H3-5: variants seen among roughly 807,000 people sequenced by gnomAD.
The protein encoded by H3-5 is histone H3.3C.
A neutral mutation model predicts 8.8 loss-of-function variants in H3-5; 9 were observed. That is an observed-to-expected ratio of 1.03 (90% CI 0.62 to 1.79). The LOEUF (loss-of-function observed/expected upper bound fraction) is 1.79, where lower values mean the gene tolerates loss of function less well. Ranked by LOEUF, H3-5 falls within the 40% of genes most tolerant of loss-of-function variation. H3-5 has a pLI of 0.00. For missense variants in H3-5, 173 were observed against 183.8 expected (o/e 0.94, Z 0.34); for synonymous variants, 82 against 76.1 (o/e 1.08, Z -0.40).
In H3-5 at chr12:31,791,862, C is replaced by T; in HGVS notation, c.305G>A (p.Gly102Asp). 5 of 1,614,176 alleles carry T rather than the reference C, an allele frequency of 3.1e-6. No homozygotes were observed. Among genetic ancestry groups the T allele is most frequent in the Non-Finnish European group, 4.2e-6 (5 of 1,180,038 alleles). ...ACACAGGTTAGTATCTTCCAACAGA[C>T]CCACCAGGTACGCTTCGCTAGCCTC... The part of the protein sequence containing the change: ...LQEASEAYLV[G>D]LLEDTNLCAI... The change falls in exon 1 of 1, where the codon GGT (glycine) becomes GAT (aspartate). Residue 102 changes from glycine to aspartate, a missense_variant. Gly to Asp is a moderately conservative substitution (Grantham distance 94). Transcript: ENST00000340398.
rs762910920 is a variant in H3-5 at position 31,792,022 on chromosome 12, G to A, written c.145C>T (p.Arg49Ter). The A allele has an allele frequency of 3.1e-6, 5 of 1,614,156 alleles. No homozygotes were observed. Among genetic ancestry groups the A allele is most frequent in the African/African-American group, 1.3e-5 (1 of 75,036 alleles). Residue 49 changes from arginine to a stop codon, truncating the protein, a stop_gained, in exon 1 of 1, where the codon CGA (arginine) becomes TGA (stop). Transcript: ENST00000340398. LOFTEE classifies it high-confidence loss of function. ...GACTTCTGATAACGACGAATCTCTCGAAGCGCCACGGTCCCAGGCCTGTAG... is the reference window on the plus strand; with the variant it reads ...GACTTCTGATAACGACGAATCTCTCAAAGCGCCACGGTCCCAGGCCTGTAG... ...HRYRPGTVAL[R>*]EIRRYQKSTE...
At position 31,791,744 on chromosome 12, in the gene H3-5, A is replaced by G; in HGVS notation, c.*15T>C. The G allele has an allele frequency of 6.2e-7, 1 of 1,609,640 alleles. No homozygotes were observed. ...TACAGAATTTACTACAAAATGCCATAAAAACTGCCTTCACTTAAGCTCTCT... is the reference window on the plus strand; with the variant it reads ...TACAGAATTTACTACAAAATGCCATGAAAACTGCCTTCACTTAAGCTCTCT... On this transcript the variant is annotated 3_prime_UTR_variant, in exon 1 of 1. Coordinates refer to ENST00000340398, the MANE Select transcript of H3-5 (RefSeq NM_001013699.3).
In H3-5 at chr12:31,791,426, C is replaced by A. The variant is rs1326143493; in HGVS notation, c.*333G>T. 3 of 341,248 alleles carry A rather than the reference C, an allele frequency of 8.8e-6. No individual in the cohort carries two copies. The highest frequency in any genetic ancestry group is 1.6e-5 in the Non-Finnish European group (3 of 184,174). 21.1% of individuals were successfully genotyped at this position (341,248 alleles called of 1,614,324 possible). ...TTAAACACTTGGATCAAGTCATAACCAGTTTTATTGCAAAAGGACCCTGTT... is the reference window on the plus strand; with the variant it reads ...TTAAACACTTGGATCAAGTCATAACAAGTTTTATTGCAAAAGGACCCTGTT... On this transcript the variant is annotated 3_prime_UTR_variant, in exon 1 of 1. Transcript: ENST00000340398.
In H3-5 at chr12:31,792,264, C is replaced by A; in HGVS notation, c.-98G>T. 1 of 1,459,316 alleles carries A rather than the reference C, an allele frequency of 6.9e-7. No homozygotes were observed. Among genetic ancestry groups the A allele is most frequent in the Non-Finnish European group, 9.3e-7 (1 of 1,076,868 alleles). 90.4% of individuals were successfully genotyped at this position (1,459,316 alleles called of 1,614,324 possible). A position where few individuals can be genotyped will look rare whatever the true frequency, so the allele number is the denominator to read the frequency against. On this transcript the variant is annotated 5_prime_UTR_variant, in exon 1 of 1. Transcript: ENST00000340398. ...GCCGCAGTCGCGAGCGAAGAACCGA[C>A]ACTGGTCCAACGAACGACCAAACCG... is the stretch of plus-strand genomic sequence containing the variant.
rs563005029 is a variant in H3-5, at chr12:31,791,887, C to T, written c.280G>A (p.Glu94Lys). ...CCCACCAGGTACGCTTCGCTAGCCT[C>T]CTGCAGCGCACCGACGGCTGCGCTC... ...FQSAAVGALQ[E>K]ASEAYLVGLL... The change falls in exon 1 of 1, where the codon GAG becomes AAG. Residue 94 changes from glutamate to lysine, a missense_variant. Glu to Lys is a moderately conservative substitution (Grantham distance 56). Coordinates refer to ENST00000340398, the MANE Select transcript of H3-5 (RefSeq NM_001013699.3). 1.1e-5 allele frequency: 17 copies of T among 1,614,210 alleles called. No homozygotes were observed. The South Asian group carries it at 1.5e-4, about 15-fold the overall frequency.
At position 31,792,241 on chromosome 12, in the gene H3-5, C is replaced by T; in HGVS notation, c.-75G>A. 3 of 1,544,028 alleles carry T rather than the reference C, an allele frequency of 1.9e-6. No homozygotes were observed. The highest frequency in any genetic ancestry group is 1.2e-5 in the South Asian group (1 of 80,524). ...CTGCTTCCGCTGCCCGAGGAAGAGC[C>T]GCAGTCGCGAGCGAAGAACCGACAC... On this transcript the variant is annotated 5_prime_UTR_variant, in exon 1 of 1. Coordinates refer to ENST00000340398, the MANE Select transcript of H3-5 (RefSeq NM_001013699.3).
chr12:31,792,089 G>T lies in H3-5; in HGVS notation c.78C>A (p.Ala26=). Residue 26 remains alanine (A), a synonymous_variant, in exon 1 of 1, where the codon GCC becomes GCA. Transcript: ENST00000340398. ...APRKQLATKA[A]RKSTPSTCGV... is the part of the protein sequence containing the mutation. The stretch of plus-strand genomic sequence containing the variant: ...CGCAGGTAGAGGGGGTGCTTTTCCT[G>T]GCAGCTTTCGTGGCCAGCTGTTTGC... 1 of 1,614,148 alleles carries T rather than the reference G, an allele frequency of 6.2e-7. No homozygotes were observed. Among genetic ancestry groups the T allele is most frequent in the Non-Finnish European group, 8.5e-7 (1 of 1,180,024 alleles).
In H3-5 at chr12:31,792,039, G is replaced by C. The variant is rs959255586; in HGVS notation, c.128C>G (p.Pro43Arg). ...TCGVKPHRYR[P>R]GTVALREIRR... ...AATCTCTCGAAGCGCCACGGTCCCA[G>C]GCCTGTAGCGATGAGGCTTCACCCC... Residue 43 changes from proline to arginine, a missense_variant, in exon 1 of 1, where the codon CCT (proline) becomes CGT (arginine). Physicochemically the swap from Pro to Arg is moderately radical, Grantham distance 103. Coordinates refer to ENST00000340398, the MANE Select transcript of H3-5 (RefSeq NM_001013699.3). 9 of 1,614,100 alleles carry C rather than the reference G, an allele frequency of 5.6e-6. No individual in the cohort carries two copies. Among genetic ancestry groups the C allele is most frequent in the Non-Finnish European group, 6.8e-6 (8 of 1,180,046 alleles).
In H3-5 at chr12:31,792,019, C is replaced by T. The variant is rs376467484; in HGVS notation, c.148G>A (p.Glu50Lys). The change falls in exon 1 of 1, where the codon GAG (glutamate) becomes AAG (lysine). Residue 50 changes from glutamate to lysine, a missense_variant. Coordinates refer to ENST00000340398, the MANE Select transcript of H3-5 (RefSeq NM_001013699.3). ...GTCGACTTCTGATAACGACGAATCTCTCGAAGCGCCACGGTCCCAGGCCTG... is the reference window on the plus strand; with the variant it reads ...GTCGACTTCTGATAACGACGAATCTTTCGAAGCGCCACGGTCCCAGGCCTG... ...RYRPGTVALR[E>K]IRRYQKSTEL... The T allele has an allele frequency of 1.1e-5, 18 of 1,614,090 alleles. No individual in the cohort carries two copies. The highest frequency in any genetic ancestry group is 3.3e-4 in the Middle Eastern group (2 of 6,084).
rs755384853 is a variant in H3-5 at position 31,792,205 on chromosome 12, C to T, written c.-39G>A. 5 of 1,592,834 alleles carry T rather than the reference C, an allele frequency of 3.1e-6. No individual in the cohort carries two copies. Among genetic ancestry groups the T allele is most frequent in the South Asian group, 1.1e-5 (1 of 87,608 alleles). On this transcript the variant is annotated 5_prime_UTR_variant, in exon 1 of 1. Coordinates refer to ENST00000340398, the MANE Select transcript of H3-5 (RefSeq NM_001013699.3). ...ACGCCGAAGTTTTAGGCCACTTCTC[C>T]GACCTCCGCGCTGCTTCCGCTGCCC... is the stretch of plus-strand genomic sequence containing the variant.
Position 31,791,646 on chromosome 12 carries a change from G to T in H3-5, c.*113C>A. The T allele has an allele frequency of 7.4e-7, 1 of 1,343,626 alleles. No individual in the cohort carries two copies. The highest frequency in any genetic ancestry group is 1.4e-5 in the South Asian group (1 of 72,240). 83.2% of individuals were successfully genotyped at this position (1,343,626 alleles called of 1,614,324 possible). A position where few individuals can be genotyped will look rare whatever the true frequency, so the allele number is the denominator to read the frequency against. ...TCGCATTCATCCTGAGTGAAAGATG[G>T]AATGACTTAAGTACAAATGCAACAT... On this transcript the variant is annotated 3_prime_UTR_variant, in exon 1 of 1. Transcript: ENST00000340398.
Position 31,792,180 on chromosome 12 carries a change from A to T in H3-5, c.-14T>A. The stretch of plus-strand genomic sequence containing the variant: ...GGTTCGGGCCATTTTCTTTCACCCA[A>T]CGCCGAAGTTTTAGGCCACTTCTCC... On this transcript the variant is annotated 5_prime_UTR_variant, in exon 1 of 1. It adds an upstream start codon to the 5' untranslated region. Transcript: ENST00000340398. 5 of 1,607,236 alleles carry T rather than the reference A, an allele frequency of 3.1e-6. No homozygotes were observed. Among genetic ancestry groups the T allele is most frequent in the Non-Finnish European group, 3.4e-6 (4 of 1,175,300 alleles).
chr12:31,792,078 G>C lies in H3-5; in HGVS notation c.89C>G (p.Thr30Ser), dbSNP rs1474306123. ...AGGCTTCACCCCGCAGGTAGAGGGGGTGCTTTTCCTGGCAGCTTTCGTGGC... is the reference window on the plus strand; with the variant it reads ...AGGCTTCACCCCGCAGGTAGAGGGGCTGCTTTTCCTGGCAGCTTTCGTGGC... ...QLATKAARKS[T>S]PSTCGVKPHR... The change falls in exon 1 of 1, where the codon ACC (threonine) becomes AGC (serine). Residue 30 changes from threonine to serine, a missense_variant. By Grantham distance (58) the Thr-to-Ser change is moderately conservative (BLOSUM62 1). Coordinates refer to ENST00000340398, the MANE Select transcript of H3-5 (RefSeq NM_001013699.3). 1.1e-5 allele frequency: 17 copies of C among 1,614,204 alleles called. No individual in the cohort carries two copies. The highest frequency in any genetic ancestry group is 1.6e-4 in the Middle Eastern group (1 of 6,062).
rs373516851 is a variant in H3-5, at chr12:31,791,599, G to T, written c.*160C>A. 1 of 862,344 alleles carries T rather than the reference G, an allele frequency of 1.2e-6. No individual in the cohort carries two copies. Among genetic ancestry groups the T allele is most frequent in the African/African-American group, 1.7e-5 (1 of 58,670 alleles). The allele number at this position is 862,344 out of a possible 1,614,324, so 53.4% of individuals were successfully genotyped here. On this transcript the variant is annotated 3_prime_UTR_variant, in exon 1 of 1. Coordinates refer to ENST00000340398, the MANE Select transcript of H3-5 (RefSeq NM_001013699.3). ...CCTGAGCAACAGTGCTGACATCACT[G>T]AGGTCTGTAAACAGTCACTTTTCGC...
In H3-5 at chr12:31,791,230, T is replaced by C. The variant is rs1267619641; in HGVS notation, c.*529A>G. On this transcript the variant is annotated 3_prime_UTR_variant, in exon 1 of 1. Transcript: ENST00000340398. ...ATTTGAAAATGTTGACACTACAATA[T>C]ATAAAATAGCTATTATAAATGCACA... The C allele has an allele frequency of 6.5e-6, 1 of 154,086 alleles. No individual in the cohort carries two copies. Among genetic ancestry groups the C allele is most frequent in the African/African-American group, 2.4e-5 (1 of 41,446 alleles). The allele number at this position is 154,086 out of a possible 1,614,324, so 9.5% of individuals were successfully genotyped here.
chr12:31,791,656 A>G lies in H3-5; in HGVS notation c.*103T>C. On this transcript the variant is annotated 3_prime_UTR_variant, in exon 1 of 1. Coordinates refer to ENST00000340398, the MANE Select transcript of H3-5 (RefSeq NM_001013699.3). ...CCTGAGTGAAAGATGGAATGACTTA[A>G]GTACAAATGCAACATATAAACAATT... 7.1e-7 allele frequency: 1 copy of G among 1,415,408 alleles called. No homozygotes were observed. Among genetic ancestry groups the G allele is most frequent in the Non-Finnish European group, 9.7e-7 (1 of 1,031,458 alleles). The allele number at this position is 1,415,408 out of a possible 1,614,324, so 87.7% of individuals were successfully genotyped here.
chr12:31,792,157 T>A lies in H3-5; in HGVS notation c.10A>T (p.Thr4Ser). The A allele has an allele frequency of 6.2e-7, 1 of 1,611,960 alleles. No individual in the cohort carries two copies. Among genetic ancestry groups the A allele is most frequent in the Admixed American group, 1.7e-5 (1 of 59,950 alleles). Residue 4 changes from threonine to serine, a missense_variant, in exon 1 of 1, where the codon ACC (threonine) becomes TCC (serine). Thr to Ser is a moderately conservative substitution (Grantham distance 58, BLOSUM62 1). Transcript: ENST00000340398. ...GTGGATTTACGAGCAGTCTGCTTGGTTCGGGCCATTTTCTTTCACCCAACG... is the reference window on the plus strand; with the variant it reads ...GTGGATTTACGAGCAGTCTGCTTGGATCGGGCCATTTTCTTTCACCCAACG... MAR[T>S]KQTARKSTGG...
rs1434511091 is a variant in H3-5, at chr12:31,791,893, G to C, written c.274C>G (p.Leu92Val). 3 of 1,614,070 alleles carry C rather than the reference G, an allele frequency of 1.9e-6. No individual in the cohort carries two copies. The highest frequency in any genetic ancestry group is 2.5e-6 in the Non-Finnish European group (3 of 1,180,040). ...LRFQSAAVGA[L>V]QEASEAYLVG... ...AGGTACGCTTCGCTAGCCTCCTGCA[G>C]CGCACCGACGGCTGCGCTCTGAAAC... The change falls in exon 1 of 1, where the codon CTG (leucine) becomes GTG (valine). Residue 92 changes from leucine to valine, a missense_variant. Transcript: ENST00000340398.
rs1940981485 is a variant in H3-5, at chr12:31,792,021, C to T, written c.146G>A (p.Arg49Gln). 6.2e-7 allele frequency: 1 copy of T among 1,614,190 alleles called. No homozygotes were observed. Among genetic ancestry groups the T allele is most frequent in the Non-Finnish European group, 8.5e-7 (1 of 1,180,036 alleles). Residue 49 changes from arginine (R) to glutamine (Q), a missense_variant, in exon 1 of 1, where the codon CGA becomes CAA. Coordinates refer to ENST00000340398, the MANE Select transcript of H3-5 (RefSeq NM_001013699.3). ...CGACTTCTGATAACGACGAATCTCTCGAAGCGCCACGGTCCCAGGCCTGTA... is the reference window on the plus strand; with the variant it reads ...CGACTTCTGATAACGACGAATCTCTTGAAGCGCCACGGTCCCAGGCCTGTA... ...HRYRPGTVAL[R>Q]EIRRYQKSTE...
Sources: allele counts gnomAD v4.1 joint callset, GRCh38; gene constraint gnomAD v4.1.1; transcripts MANE v1.5; gene names NCBI Gene and HGNC (gene_info 2026-07-23, HGNC 2026-07-21).